The following FMN1 variants were observed in gnomAD, a reference collection of about 807,000 sequenced individuals.
FMN1 encodes the protein formin-1.
In FMN1, 110 loss-of-function variants were observed where a neutral mutation model predicts 132.4. The ratio of observed to expected loss-of-function variants is 0.83; its 90% CI spans 0.71 to 0.97. The LOEUF (loss-of-function observed/expected upper bound fraction) is 0.97, where lower values mean the gene tolerates loss of function less well. Among genes scored for constraint, FMN1 ranks in the 50% least tolerant of loss-of-function variants. The pLI is 0.00. For missense variants in FMN1, 1,792 were observed against 1,705.3 expected (o/e 1.05, Z -0.90); for synonymous variants, 722 against 651.7 (o/e 1.11, Z -1.64).
chr15:33,090,438 G>C (rs1435926932), intron 4 of FMN1, among the ~76,000 whole-genome samples: 1 of 152,138 alleles, frequency 6.6e-6, no homozygotes, highest in Non-Finnish European at 1.5e-5. Flanking sequence ...TGGTTTATTA[G>C]TTTTCAATCA....
At chr15:32,908,201 T>C in intron 12 of FMN1, 1 of 280,650 alleles carries the variant, frequency 3.6e-6, no homozygotes, top group Non-Finnish European at 6.8e-6. Flanking sequence ...AGTTACCCTT[T>C]TGGTCAAATT....
chr15:32,947,489 G>GGA (rs1199424103), intron 9 of FMN1, among the ~76,000 whole-genome samples: 2 of 151,644 alleles, frequency 1.3e-5, no homozygotes, highest in African/African-American at 4.8e-5. Context: ...TTCCTTTTTT[G>GGA]GAGTTGTTTT....
chr15:33,049,448 A>G (rs1423371137), intron 6 of FMN1, among the ~76,000 whole-genome samples: 2 of 152,192 alleles, frequency 1.3e-5, no homozygotes. Context: ...CCTTGTTCCT[A>G]CCTTTGCAAA....
At chr15:32,907,322 C>G (rs930258095) in intron 12 of FMN1, among the ~76,000 whole-genome samples, 1 of 151,998 alleles carries the variant, frequency 6.6e-6, no homozygotes. Flanking sequence ...TGATGGGAGA[C>G]AGTGACAGAT....
chr15:32,809,829 C>T (rs1256012213), intron 17 of FMN1, among the ~76,000 whole-genome samples: 1 of 152,164 alleles, frequency 6.6e-6, no homozygotes, highest in African/African-American at 2.4e-5. Flanking sequence ...CTGGCTTTTC[C>T]CACTGGACTC....
chr15:33,183,632 G>A (rs1263342735), intron 2 of FMN1, among the ~76,000 whole-genome samples: 1 of 152,144 alleles, frequency 6.6e-6, no homozygotes, highest in Non-Finnish European at 1.5e-5. Context: ...TTTCAAATTG[G>A]TGGGTTGACA....
At chr15:32,937,636 G>A (rs1370311102) in intron 9 of FMN1, among the ~76,000 whole-genome samples, 2 of 152,166 alleles carry the variant, frequency 1.3e-5, no homozygotes, top group Admixed American at 1.3e-4. Context: ...AAAGTGGCTG[G>A]GTTCCACCAA....
chr15:32,985,371 T>G (rs1044086585), intron 7 of FMN1, among the ~76,000 whole-genome samples: 4 of 152,164 alleles, frequency 2.6e-5, no homozygotes, highest in Non-Finnish European at 5.9e-5. Context: ...CTTCCATCTT[T>G]TAAATATGTC....
At chr15:33,115,203 G>A (rs886953739) in intron 4 of FMN1, among the ~76,000 whole-genome samples, 1 of 152,134 alleles carries the variant, frequency 6.6e-6, no homozygotes, top group African/African-American at 2.4e-5. Context: ...GTGTTAAAAG[G>A]AGAGTACTTA....
At chr15:32,841,540 A>T (rs1168027697) in intron 17 of FMN1, among the ~76,000 whole-genome samples, 1 of 152,224 alleles carries the variant, frequency 6.6e-6, no homozygotes, top group Non-Finnish European at 1.5e-5. Flanking sequence ...TCCATCTCAG[A>T]AGAAGCGGAG....
chr15:33,192,705 C>T (rs775647879), intron 2 of FMN1, among the ~76,000 whole-genome samples: 6 of 152,116 alleles, frequency 3.9e-5, no homozygotes, highest in Non-Finnish European at 7.3e-5. Flanking sequence ...GCTCTGACAC[C>T]TAAAAAGGAT....
chr15:32,855,205 G>A (rs1159419237), intron 17 of FMN1, among the ~76,000 whole-genome samples: 1 of 150,362 alleles, frequency 6.7e-6, no homozygotes, highest in Non-Finnish European at 1.5e-5. Flanking sequence ...AAAATCTGAT[G>A]CCTGGCCCCA....
At chr15:32,818,825 G>A (rs576194860) in intron 17 of FMN1, among the ~76,000 whole-genome samples, 18 of 151,818 alleles carry the variant, frequency 1.2e-4, no homozygotes, top group Non-Finnish European at 2.4e-4. Flanking sequence ...ATCTGAGAGG[G>A]TAAAATGTTC....
chr15:32,820,773 T>C (rs16959177), intron 17 of FMN1, among the ~76,000 whole-genome samples: 5,115 of 152,294 alleles, frequency 0.034, 138 homozygotes, highest in East Asian at 0.085. Context: ...TTCTGCAAAT[T>C]ACATAGATTT....
intron 5 of FMN1, among the ~76,000 whole-genome samples, chr15:33,072,022 TCAAGA>T (rs1243132071): frequency 6.6e-6 from 1 of 152,104 alleles, no homozygotes; most frequent in Non-Finnish European, 1.5e-5. Flanking sequence ...TGTCTTAACC[TCAAGA>T]CAAACTCTCT....
chr15:33,123,104 T>C (rs73378587), intron 4 of FMN1, among the ~76,000 whole-genome samples: 326 of 151,282 alleles, frequency 2.2e-3, no homozygotes, highest in African/African-American at 7.5e-3. Context: ...TCATCTAGAA[T>C]GCCTTTCTTT....
intron 19 of FMN1, among the ~76,000 whole-genome samples, chr15:32,783,199 G>A (rs772789758): frequency 6.6e-6 from 1 of 151,434 alleles, no homozygotes; most frequent in African/African-American, 2.4e-5. Flanking sequence ...AAAAGAATTT[G>A]GAAATATAGG....
At chr15:33,028,224 A>T (rs2141050017) in intron 6 of FMN1, among the ~76,000 whole-genome samples, 1 of 152,312 alleles carries the variant, frequency 6.6e-6, no homozygotes, top group Non-Finnish European at 1.5e-5. Context: ...TCTGATAGAC[A>T]TCCAAAGTCA....
chr15:33,127,561 A>T (rs1963214604), intron 4 of FMN1, among the ~76,000 whole-genome samples: 1 of 152,248 alleles, frequency 6.6e-6, no homozygotes, highest in Non-Finnish European at 1.5e-5. Flanking sequence ...TGAACCTTTT[A>T]AAACAGAAAC....
Sources: gnomAD v4.1 joint callset for allele counts (sites outside exome capture counted in the v4.1 genomes callset) on GRCh38, gnomAD v4.1.1 for gene constraint, MANE v1.5 for transcripts, NCBI Gene and HGNC (gene_info 2026-07-23, HGNC 2026-07-21) for gene names.